AXDND1: variants seen among roughly 807,000 people sequenced by gnomAD.
The protein encoded by AXDND1 is axonemal dynein light chain domain containing 1, also known as axonemal dynein light chain domain-containing protein 1.
A neutral mutation model predicts 137.5 loss-of-function variants in AXDND1; 110 were observed. The observed-to-expected ratio is 0.80, with a 90% CI of 0.69 to 0.94. The LOEUF (loss-of-function observed/expected upper bound fraction) is 0.94. Ranked by LOEUF, AXDND1 falls within the 40% of genes least tolerant of loss-of-function variation. AXDND1 has a pLI of 0.00. For missense variants in AXDND1, 1,191 were observed against 1,169.8 expected (o/e 1.02, Z -0.26); for synonymous variants, 414 against 399.7 (o/e 1.04, Z -0.43).
At chr1:179,449,737 AT>A (rs1660266006) in intron 16 of AXDND1, 1 of 151,938 alleles carries the variant, frequency 6.6e-6, no homozygotes, top group Middle Eastern at 3.4e-3. Context: ...TTTGTTAAAT[AT>A]TTTTTTGAGT....
chr1:179,413,055 A>C (rs1273741614), intron 12 of AXDND1, among the ~76,000 whole-genome samples: 3 of 152,082 alleles, frequency 2.0e-5, no homozygotes, highest in Non-Finnish European at 2.9e-5. Flanking sequence ...ATTTCCTTTT[A>C]CTTTATTAAC....
chr1:179,485,845 C>T lies in AXDND1; in HGVS notation c.2091+2624C>T, dbSNP rs543182396. 8.5e-5 allele frequency among the ~76,000 whole-genome samples: 13 copies of T among 152,156 alleles called. 1 individual carries two copies. In the South Asian group the frequency reaches 1.0e-3, roughly 12 times the overall value. ...CATTATAAGAAAGAACCACCAGGCG[C>T]GGTGGCTTATGCCTGTAATCCCAGC... On this transcript the variant is annotated intron_variant, in intron 18 of 25. Transcript: ENST00000367618.
At chr1:179,534,694 CCTTT>C (rs762205896) in intron 24 of AXDND1, 32 bp from the exon 25 acceptor site, 2 of 1,535,906 alleles carry the variant, frequency 1.3e-6, no homozygotes, top group African/African-American at 1.4e-5. Context: ...CTTTTTCAAC[CCTTT>C]CTATTTTGTT....
intron 18 of AXDND1, among the ~76,000 whole-genome samples, chr1:179,487,724 G>A (rs1160054672): frequency 6.7e-6 from 1 of 148,514 alleles, no homozygotes; most frequent in South Asian, 2.1e-4. Context: ...GGCCAGGCGT[G>A]ATGGCTCATG....
intron 16 of AXDND1, among the ~76,000 whole-genome samples, chr1:179,466,813 T>A (rs920871837): frequency 6.6e-6 from 1 of 152,208 alleles, no homozygotes; most frequent in Non-Finnish European, 1.5e-5. Context: ...CTATATTACA[T>A]AAGAAGGATT....
chr1:179,499,357 A>AAAT (rs1667768136), intron 20 of AXDND1, among the ~76,000 whole-genome samples: 1 of 32,600 alleles, frequency 3.1e-5, no homozygotes, highest in African/African-American at 7.7e-5. Context: ...AAAAGACCAC[A>AAAT]TATTTATTCA....
intron 21 of AXDND1, among the ~76,000 whole-genome samples, chr1:179,511,124 G>A (rs76533224): frequency 0.1 from 15,485 of 151,334 alleles, 1,130 homozygotes; most frequent in East Asian, 0.35. Context: ...CCGAGATCAC[G>A]CCACTGCATT....
chr1:179,525,463 A>G lies in AXDND1; in HGVS notation c.2610+16A>G. On this transcript the variant is annotated intron_variant, in intron 22 of 25. Transcript: ENST00000367618. ...AGCAGAAGAAGTAAGATTATTTGGTATTTGTTTTTCCTCCTACATACATAC... is the reference window on the plus strand; with the variant it reads ...AGCAGAAGAAGTAAGATTATTTGGTGTTTGTTTTTCCTCCTACATACATAC... The G allele has an allele frequency of 6.3e-7, 1 of 1,585,604 alleles. No individual in the cohort carries two copies. Among genetic ancestry groups the G allele is most frequent in the Non-Finnish European group, 8.6e-7 (1 of 1,166,714 alleles).
chr1:179,417,922 C>A (rs976407657), intron 12 of AXDND1, among the ~76,000 whole-genome samples: 2 of 151,072 alleles, frequency 1.3e-5, no homozygotes, highest in African/African-American at 4.9e-5. Flanking sequence ...TCTTTTACTT[C>A]TTTTCCAAAT....
rs75055374 is a variant in AXDND1, at chr1:179,432,001, C to T, written c.1488-266C>T. On this transcript the variant is annotated intron_variant, in intron 14 of 25. Transcript: ENST00000367618. ...TCTGATAATGATCTGGTTTTTAATTCTCAAGACTCAAGAGACCACCCTTTA... is the reference window on the plus strand; with the variant it reads ...TCTGATAATGATCTGGTTTTTAATTTTCAAGACTCAAGAGACCACCCTTTA... Among the ~76,000 whole-genome samples, 953 of 152,218 alleles carry T rather than the reference C, an allele frequency of 6.3e-3. 13 individuals are homozygous for T. Among genetic ancestry groups the T allele is most frequent in the African/African-American group, 0.02 (830 of 41,528 alleles).
chr1:179,385,126 TA>T, intron 8 of AXDND1, 111 bp from the exon 9 acceptor site: 1 of 894,816 alleles, frequency 1.1e-6, no homozygotes, highest in Non-Finnish European at 1.7e-6. Context: ...GTAAGTGAAA[TA>T]AATTAATCAA....
intron 25 of AXDND1, chr1:179,544,696 G>GAAAA (rs976385163): frequency 6.9e-6 from 1 of 144,180 alleles, no homozygotes; most frequent in African/African-American, 2.5e-5. Flanking sequence ...AAAAGAAAAA[G>GAAAA]AAAAAAAGAG....
chr1:179,447,784 C>A lies in AXDND1; in HGVS notation c.1798+2580C>A. On this transcript the variant is annotated intron_variant, in intron 16 of 25. Coordinates refer to ENST00000367618, the MANE Select transcript of AXDND1 (RefSeq NM_144696.6). ...AGCTCTTGAGTTTACAAATTCATTC[C>A]CCACTGGGCTGCTTCCAGTTCCATT... The A allele has an allele frequency of 2.3e-6, 3 of 1,313,102 alleles. No homozygotes were observed. The South Asian group carries it at 3.6e-5, about 16-fold the overall frequency. 81.3% of individuals were successfully genotyped at this position (1,313,102 alleles called of 1,614,324 possible).
Position 179,486,102 on chromosome 1 carries a change from G to A in AXDND1, c.2091+2881G>A, listed in dbSNP as rs1427889778. On this transcript the variant is annotated intron_variant, in intron 18 of 25. Transcript: ENST00000367618. ...CCATTGCACTCCAGCCTGGGCAACA[G>A]GAGCAAAACTCTGTCTCAAAAAAAA... 7.4e-5 allele frequency among the ~76,000 whole-genome samples: 7 copies of A among 94,530 alleles called. No individual in the cohort carries two copies. In the East Asian group the frequency reaches 3.7e-3, roughly 50 times the overall value. The allele number at this position is 94,530 out of a possible 152,430, so 62.0% of individuals were successfully genotyped here.
chr1:179,416,945 A>G (rs918981258), intron 12 of AXDND1, among the ~76,000 whole-genome samples: 4 of 152,192 alleles, frequency 2.6e-5, no homozygotes, highest in Non-Finnish European at 4.4e-5. Context: ...ACTTCCTTGC[A>G]TATACGGCCC....
intron 16 of AXDND1, chr1:179,448,520 G>A (rs1052575880): frequency 3.2e-5 from 11 of 342,128 alleles, no homozygotes; most frequent in Non-Finnish European, 4.6e-5. Context: ...GTAATGCATC[G>A]TACAGCTTCT....
In AXDND1 at chr1:179,395,118, C is replaced by T; in HGVS notation, c.1025C>T (p.Ala342Val). ...ELTRELCLVRAHDVKLTKETE... is the reference protein window; with the variant it reads ...ELTRELCLVRVHDVKLTKETE... ...TTCAGGGAACTGTGTCTAGTTCGGG[C>T]ACATGATGTGAAATTAACAAAGGAA... is the stretch of plus-strand genomic sequence containing the variant. The change falls in exon 11 of 26, where the codon GCA (alanine) becomes GTA (valine). Residue 342 changes from alanine (A) to valine (V), a missense_variant. Physicochemically the swap from Ala to Val is moderately conservative, Grantham distance 64. Transcript: ENST00000367618. The T allele has an allele frequency of 1.2e-6, 2 of 1,612,232 alleles. No individual in the cohort carries two copies. The highest frequency in any genetic ancestry group is 1.7e-6 in the Non-Finnish European group (2 of 1,179,124).
chr1:179,503,510 C>T (rs1244366881), intron 20 of AXDND1, among the ~76,000 whole-genome samples: 4 of 151,758 alleles, frequency 2.6e-5, no homozygotes, highest in African/African-American at 9.7e-5. Context: ...CTGGATTCCT[C>T]AGACAGGTTT....
chr1:179,485,810 G>A (rs1041663037), intron 18 of AXDND1, among the ~76,000 whole-genome samples: 8 of 152,218 alleles, frequency 5.3e-5, no homozygotes, highest in Admixed American at 3.9e-4. Flanking sequence ...GGAGCTGATA[G>A]ATGAAATGCC....
Sources: gnomAD v4.1 joint callset for allele counts (sites outside exome capture counted in the v4.1 genomes callset) on GRCh38, gnomAD v4.1.1 for gene constraint, MANE v1.5 for transcripts, NCBI Gene and HGNC (gene_info 2026-07-23, HGNC 2026-07-21) for gene names.